The following FILIP1L variants were observed in gnomAD, a reference collection of about 807,000 sequenced individuals.
The protein encoded by FILIP1L is filamin A-interacting protein 1-like.
Under a neutral mutation model 96.6 loss-of-function variants are expected in FILIP1L, and 55 were observed. The observed-to-expected ratio is 0.57, with a 90% CI of 0.46 to 0.71. The LOEUF (loss-of-function observed/expected upper bound fraction) is 0.71. FILIP1L is among the 30% of genes least tolerant of loss of function. The probability of loss-of-function intolerance (pLI) is 0.00; values close to 1 mark genes in which losing one functional copy is unlikely to be tolerated. For missense variants in FILIP1L, 1,304 were observed against 1,321.2 expected, an observed-to-expected ratio of 0.99 and a Z score of 0.20; for synonymous variants, 467 against 473.9, an observed-to-expected ratio of 0.99 and a Z score of 0.19.
chr3:100,013,317 C>T (rs1381337536), intron 1 of FILIP1L, among the ~76,000 whole-genome samples: 1 of 151,936 alleles, frequency 6.6e-6, no homozygotes, highest in Non-Finnish European at 1.5e-5. Context: ...GATCTCAGCT[C>T]ACTGAATCCT....
At chr3:100,063,026 G>A (rs117206444) in intron 1 of FILIP1L, among the ~76,000 whole-genome samples, 4 of 152,174 alleles carry the variant, frequency 2.6e-5, no homozygotes, top group Non-Finnish European at 4.4e-5. Context: ...GAGTTCTCAG[G>A]CATCCTCAAG....
rs750325993 is a variant in FILIP1L, at chr3:99,849,071, T to C, written c.2605A>G (p.Lys869Glu). ...RKLWIPWMKS[K>E]EGHLQNGKMQ... ...TTTCCATTCTGAAGATGGCCCTCCT[T>C]GGATTTCATCCAGGGAATCCATAGC... The change falls in exon 5 of 6, where the codon AAG becomes GAG. Residue 869 changes from lysine (K) to glutamate (E), a missense_variant. Coordinates refer to ENST00000477258, the MANE Select transcript of FILIP1L (RefSeq NM_001387850.1). 1.2e-6 allele frequency: 2 copies of C among 1,614,050 alleles called. No homozygotes were observed. The highest frequency in any genetic ancestry group is 1.7e-6 in the Non-Finnish European group (2 of 1,180,014).
chr3:100,056,958 C>T (rs375760750), intron 1 of FILIP1L, among the ~76,000 whole-genome samples: 22 of 152,060 alleles, frequency 1.4e-4, no homozygotes, highest in African/African-American at 5.1e-4. Context: ...GAGCCGAGAT[C>T]GCACCACTGC....
intron 2 of FILIP1L, 100 bp from the exon 3 acceptor site, chr3:99,930,129 A>G (rs1707430811): frequency 8.9e-6 from 8 of 894,576 alleles, no homozygotes; most frequent in Non-Finnish European, 1.2e-5. Flanking sequence ...TTCTCTTTCA[A>G]ATCTAAATGA....
intron 1 of FILIP1L, among the ~76,000 whole-genome samples, chr3:100,013,970 G>A (rs777288652): frequency 6.6e-6 from 1 of 151,824 alleles, no homozygotes; most frequent in Non-Finnish European, 1.5e-5. Flanking sequence ...CCTCTGTGCC[G>A]CCCCCTTCCC....
chr3:99,916,523 T>C (rs1223268161), intron 4 of FILIP1L, among the ~76,000 whole-genome samples: 1 of 151,796 alleles, frequency 6.6e-6, no homozygotes, highest in Non-Finnish European at 1.5e-5. Context: ...AATACAGTGC[T>C]AATGGTCACT....
At chr3:100,034,581 T>G (rs925282980) in intron 1 of FILIP1L, among the ~76,000 whole-genome samples, 8 of 152,222 alleles carry the variant, frequency 5.3e-5, no homozygotes, top group African/African-American at 1.9e-4. Flanking sequence ...TGGCTGCTTT[T>G]GGTCATTTAA....
intron 1 of FILIP1L, among the ~76,000 whole-genome samples, chr3:100,021,958 TGTGAGAGAGA>T (rs1237380655): frequency 7.4e-5 from 7 of 94,930 alleles, no homozygotes; most frequent in African/African-American, 1.9e-4. Context: ...TGTGTGTGTG[TGTGAGAGAGA>T]GAGAGAGAGA....
chr3:99,938,274 A>G (rs1423659795), intron 1 of FILIP1L, among the ~76,000 whole-genome samples: 1 of 152,192 alleles, frequency 6.6e-6, no homozygotes, highest in Non-Finnish European at 1.5e-5. Flanking sequence ...TATGCACTAC[A>G]CTATTTTTTA....
intron 4 of FILIP1L, among the ~76,000 whole-genome samples, chr3:99,893,417 G>A (rs530626292): frequency 2.1e-4 from 32 of 152,044 alleles, no homozygotes; most frequent in African/African-American, 6.8e-4. Flanking sequence ...CGCCTGTCTC[G>A]GCCTCCCAAA....
At chr3:100,075,522 C>G (rs1394017152) in intron 1 of FILIP1L, 3 of 150,888 alleles carry the variant, frequency 2.0e-5, no homozygotes. Context: ...CGGGTTTTTG[C>G]TTTTTACTTC....
chr3:100,082,741 T>C (rs1229179587), intron 1 of FILIP1L, among the ~76,000 whole-genome samples: 1 of 152,240 alleles, frequency 6.6e-6, no homozygotes, highest in African/African-American at 2.4e-5. Flanking sequence ...CTTAAATTTA[T>C]TGTTACATGT....
intron 4 of FILIP1L, among the ~76,000 whole-genome samples, chr3:99,904,111 A>G (rs555473764): frequency 1.3e-5 from 2 of 152,356 alleles, no homozygotes; most frequent in East Asian, 1.9e-4. Context: ...CAATTTTCAG[A>G]CAAGCACTTT....
intron 4 of FILIP1L, among the ~76,000 whole-genome samples, chr3:99,899,723 G>A (rs2107624828): frequency 1.3e-5 from 2 of 152,222 alleles, no homozygotes; most frequent in Admixed American, 1.3e-4. Flanking sequence ...TCCACCTTCA[G>A]GGCATCTTTT....
At chr3:100,023,545 A>G (rs1008353140) in intron 1 of FILIP1L, 1 of 152,592 alleles carries the variant, frequency 6.6e-6, no homozygotes, top group African/African-American at 2.4e-5. Context: ...AGACTAAAAC[A>G]GTTTCTTGGG....
At chr3:99,971,063 C>T (rs1027082672) in intron 1 of FILIP1L, among the ~76,000 whole-genome samples, 32 of 152,240 alleles carry the variant, frequency 2.1e-4, no homozygotes, top group East Asian at 5.8e-4. Context: ...GGGGGCTGGG[C>T]GTGGTGGCTC....
At chr3:100,058,384 A>C (rs1269484150) in intron 1 of FILIP1L, among the ~76,000 whole-genome samples, 1 of 152,212 alleles carries the variant, frequency 6.6e-6, no homozygotes, top group Non-Finnish European at 1.5e-5. Context: ...CATTCTTTGG[A>C]ATGTAAAATG....
chr3:99,944,168 T>A (rs903131147), intron 1 of FILIP1L, among the ~76,000 whole-genome samples: 1 of 152,208 alleles, frequency 6.6e-6, no homozygotes, highest in Non-Finnish European at 1.5e-5. Flanking sequence ...GTTCTTCTAG[T>A]CAGTGCTAAA....
Position 99,850,682 on chromosome 3 carries a change from G to A in FILIP1L, c.994C>T (p.Arg332Trp), listed in dbSNP as rs759335251. 48 of 1,613,964 alleles carry A rather than the reference G, an allele frequency of 3.0e-5. 1 individual carries two copies. Among genetic ancestry groups the A allele is most frequent in the Middle Eastern group, 1.7e-4 (1 of 6,060 alleles). Residue 332 changes from arginine to tryptophan, a missense_variant, in exon 5 of 6, where the codon CGG becomes TGG. Physicochemically the swap from Arg to Trp is moderately radical, Grantham distance 101. Transcript: ENST00000477258. ...QLQQKLAALSRQIDELEETNR... is the reference protein window; with the variant it reads ...QLQQKLAALSWQIDELEETNR... Reference sequence around the variant, plus strand: ...GTCTCTTCTAACTCATCAATCTGCCGGCTGAGTGCTGCCAGCTTTTGTTGA... The same window carrying A: ...GTCTCTTCTAACTCATCAATCTGCCAGCTGAGTGCTGCCAGCTTTTGTTGA...
Sources: gnomAD v4.1 joint callset for allele counts (sites outside exome capture counted in the v4.1 genomes callset) on GRCh38, gnomAD v4.1.1 for gene constraint, MANE v1.5 for transcripts, NCBI Gene and HGNC (gene_info 2026-07-23, HGNC 2026-07-21) for gene names.